The following TENM3 variants were observed in gnomAD, a reference collection of about 807,000 sequenced individuals.
TENM3 encodes the protein teneurin transmembrane protein 3.
A neutral mutation model predicts 255.1 loss-of-function variants in TENM3; 63 were observed. The observed-to-expected ratio is 0.25, with a 90% CI of 0.20 to 0.30. The LOEUF is 0.30. TENM3 is among the 10% of genes least tolerant of loss of function. The probability of loss-of-function intolerance (pLI) is 1.00; values close to 1 mark genes in which losing one functional copy is unlikely to be tolerated. For synonymous variants in TENM3, 1,306 were observed against 1,322.3 expected, an observed-to-expected ratio of 0.99 and a Z score of 0.27; for missense variants, 2,929 against 3,461.1, an observed-to-expected ratio of 0.85 and a Z score of 3.86.
In TENM3 at chr4:182,730,917, G is replaced by T. The variant is rs576873416; in HGVS notation, c.2745G>T (p.Leu915Phe). The T allele has an allele frequency of 6.2e-7, 1 of 1,613,830 alleles. No individual in the cohort carries two copies. Among genetic ancestry groups the T allele is most frequent in the African/African-American group, 1.3e-5 (1 of 75,014 alleles). ...LVANGGASLTLVFERSPFLTQ... is the reference protein window; with the variant it reads ...LVANGGASLTFVFERSPFLTQ... ...CAAATGGTGGGGCCTCTCTAACTTT[G>T]GTATTTGAACGATCCCCATTCCTCA... is the stretch of plus-strand genomic sequence containing the variant. The change falls in exon 16 of 28, where the codon TTG becomes TTT. Residue 915 changes from leucine to phenylalanine, a missense_variant. Leu to Phe is a conservative substitution (Grantham distance 22, BLOSUM62 0). Coordinates refer to ENST00000511685, the MANE Select transcript of TENM3 (RefSeq NM_001080477.4).
chr4:182,221,890 C>G (rs1400928156), intron 1 of TENM3, among the ~76,000 whole-genome samples: 3 of 152,150 alleles, frequency 2.0e-5, no homozygotes, highest in African/African-American at 7.2e-5. Flanking sequence ...CCTATTTTGA[C>G]AGTTCTTTAT....
chr4:182,012,767 A>ATG, the TENM3 span: 1 of 152,238 alleles, frequency 6.6e-6, no homozygotes, highest in East Asian at 1.9e-4. Flanking sequence ...GATTGTCACA[A>ATG]GGATCATGAA....
chr4:182,675,402 G>A (rs1038592684), intron 7 of TENM3, among the ~76,000 whole-genome samples: 6 of 152,084 alleles, frequency 3.9e-5, no homozygotes, highest in Non-Finnish European at 5.9e-5. Flanking sequence ...TTAGCCGAAC[G>A]TGGTAGCGCA....
At chr4:181,893,501 C>CCA in the TENM3 span, among the ~76,000 whole-genome samples, 2 of 110,818 alleles carry the variant, frequency 1.8e-5, no homozygotes, top group Non-Finnish European at 3.6e-5. Flanking sequence ...ACCCCCCCCC[C>CCA]ACCCCCACCA....
the TENM3 span, among the ~76,000 whole-genome samples, chr4:181,773,329 T>G: frequency 6.6e-6 from 1 of 152,336 alleles, no homozygotes; most frequent in African/African-American, 2.4e-5. Context: ...CGAAAGTTGT[T>G]GCTTTGTGGA....
intron 3 of TENM3, among the ~76,000 whole-genome samples, chr4:182,600,680 G>A (rs778695941): frequency 1.3e-5 from 2 of 151,876 alleles, no homozygotes; most frequent in Non-Finnish European, 2.9e-5. Context: ...AAAACCAAAA[G>A]CAATTTTGCC....
At chr4:181,579,474 G>T in the TENM3 span, among the ~76,000 whole-genome samples, 1,426 of 152,328 alleles carry the variant, frequency 9.4e-3, 24 homozygotes, top group African/African-American at 0.033. Context: ...ATTCTGGAAA[G>T]TGTATTCTTT....
At chr4:182,779,520 C>T (rs1035533006) in intron 24 of TENM3, among the ~76,000 whole-genome samples, 1 of 152,124 alleles carries the variant, frequency 6.6e-6, no homozygotes, top group East Asian at 1.9e-4. Context: ...AATAAACATA[C>T]GTGTGCATGT....
chr4:182,449,237 C>CTCCGGAGCCGGTGGCTCCGCTT (rs1773249498), intron 3 of TENM3, among the ~76,000 whole-genome samples: 1 of 149,490 alleles, frequency 6.7e-6, no homozygotes, highest in African/African-American at 2.4e-5. Context: ...CGGCTCCGCT[C>CTCCGGAGCCGGTGGCTCCGCTT]TTCTCCCTTG....
intron 3 of TENM3, among the ~76,000 whole-genome samples, chr4:182,368,896 G>A (rs34029418): frequency 0.11 from 17,196 of 152,124 alleles, 1,117 homozygotes; most frequent in Non-Finnish European, 0.14. Flanking sequence ...TCCATGAGAT[G>A]CATTTCTTCT....
intron 27 of TENM3, among the ~76,000 whole-genome samples, chr4:182,797,950 C>T (rs111438502): frequency 5.3e-5 from 8 of 151,992 alleles, no homozygotes; most frequent in African/African-American, 1.9e-4. Context: ...TCATAAGTTA[C>T]AAATATAGTC....
At chr4:181,565,909 G>A in the TENM3 span, among the ~76,000 whole-genome samples, 17 of 152,176 alleles carry the variant, frequency 1.1e-4, no homozygotes, top group Non-Finnish European at 1.8e-4. Flanking sequence ...GATAAAGTGC[G>A]GAAGTAATCA....
At chr4:181,946,092 T>C in the TENM3 span, among the ~76,000 whole-genome samples, 1 of 152,270 alleles carries the variant, frequency 6.6e-6, no homozygotes, top group East Asian at 1.9e-4. Context: ...ATGTCACCGA[T>C]TGAAGGAAAA....
the TENM3 span, among the ~76,000 whole-genome samples, chr4:181,717,339 G>C: frequency 6.6e-6 from 1 of 152,046 alleles, no homozygotes; most frequent in Non-Finnish European, 1.5e-5. Flanking sequence ...AGATGATCAC[G>C]GGGTATAAAA....
At chr4:181,650,466 C>G in the TENM3 span, among the ~76,000 whole-genome samples, 6,104 of 152,248 alleles carry the variant, frequency 0.04, 149 homozygotes, top group Middle Eastern at 0.085. Context: ...CTTAGGAACA[C>G]TCTTCACCCT....
the TENM3 span, among the ~76,000 whole-genome samples, chr4:181,923,503 T>A: frequency 6.6e-6 from 1 of 152,136 alleles, no homozygotes; most frequent in South Asian, 2.1e-4. Flanking sequence ...AGAATAAAAA[T>A]ACACTATGGC....
chr4:181,881,189 A>G, the TENM3 span, among the ~76,000 whole-genome samples: 1 of 152,142 alleles, frequency 6.6e-6, no homozygotes, highest in African/African-American at 2.4e-5. Flanking sequence ...TGCCCACCTG[A>G]TTACAAGAAT....
chr4:181,861,262 T>C, the TENM3 span, among the ~76,000 whole-genome samples: 6 of 152,194 alleles, frequency 3.9e-5, no homozygotes, highest in African/African-American at 1.4e-4. Context: ...GCATTATTAG[T>C]AGAGCTTTAT....
the TENM3 span, among the ~76,000 whole-genome samples, chr4:181,726,013 A>G: frequency 3.3e-3 from 509 of 152,306 alleles, 3 homozygotes; most frequent in African/African-American, 0.012. Flanking sequence ...CTAACAGGAA[A>G]GAAGGAAAGA....
Sources: gnomAD v4.1 joint callset for allele counts (sites outside exome capture counted in the v4.1 genomes callset) on GRCh38, gnomAD v4.1.1 for gene constraint, MANE v1.5 for transcripts, NCBI Gene and HGNC (gene_info 2026-07-23, HGNC 2026-07-21) for gene names.